The following SMC5 variants were observed in gnomAD, a reference collection of about 807,000 sequenced individuals.
SMC5 encodes the protein structural maintenance of chromosomes protein 5.
Under a neutral mutation model 148.3 loss-of-function variants are expected in SMC5, and 88 were observed. That is an observed-to-expected ratio of 0.59 (90% CI 0.50 to 0.71). The LOEUF (loss-of-function observed/expected upper bound fraction) is 0.71, where lower values mean the gene tolerates loss of function less well. Ranked by LOEUF, SMC5 falls within the 30% of genes least tolerant of loss-of-function variation. The pLI is 0.00. For missense variants in SMC5, 1,142 were observed against 1,298.9 expected (o/e 0.88, Z 1.86); for synonymous variants, 421 against 432.8 (o/e 0.97, Z 0.34).
intron 3 of SMC5, among the ~76,000 whole-genome samples, chr9:70,272,911 A>G (rs759458539): frequency 6.6e-6 from 1 of 152,180 alleles, no homozygotes; most frequent in Non-Finnish European, 1.5e-5. Context: ...AATTGAGAAC[A>G]GAGTTTATTA....
At chr9:70,340,844 G>A (rs2036501445) in intron 17 of SMC5, among the ~76,000 whole-genome samples, 1 of 152,012 alleles carries the variant, frequency 6.6e-6, no homozygotes, top group Non-Finnish European at 1.5e-5. Flanking sequence ...TCCATGAGAA[G>A]TGAACTTTCC....
chr9:70,285,493 G>A (rs1165948868), intron 7 of SMC5, among the ~76,000 whole-genome samples: 1 of 152,218 alleles, frequency 6.6e-6, no homozygotes, highest in Admixed American at 6.5e-5. Flanking sequence ...AAGGAAAGCA[G>A]ATGTTCTGCA....
At chr9:70,296,018 T>C (rs1449662129) in intron 8 of SMC5, among the ~76,000 whole-genome samples, 1 of 152,174 alleles carries the variant, frequency 6.6e-6, no homozygotes, top group African/African-American at 2.4e-5. Context: ...TCAGATATAT[T>C]TTCTCTTGCT....
chr9:70,333,705 T>G (rs1329261933), intron 17 of SMC5, among the ~76,000 whole-genome samples: 2 of 152,142 alleles, frequency 1.3e-5, no homozygotes, highest in Non-Finnish European at 1.5e-5. Context: ...CACTCCAGCC[T>G]GGGTGACAGA....
chr9:70,276,236 G>A (rs940121123), intron 3 of SMC5, among the ~76,000 whole-genome samples: 1 of 152,156 alleles, frequency 6.6e-6, no homozygotes, highest in Non-Finnish European at 1.5e-5. Context: ...TGTCCACCTT[G>A]AATAGCTGTG....
chr9:70,327,715 G>A (rs867780611), intron 17 of SMC5, among the ~76,000 whole-genome samples: 3 of 152,000 alleles, frequency 2.0e-5, no homozygotes, highest in African/African-American at 7.3e-5. Context: ...CTAATGAATC[G>A]GATTACATTA....
chr9:70,270,219 CACTT>C lies in SMC5; in HGVS notation c.380+2246_380+2249del, dbSNP rs1263845265. Among the ~76,000 whole-genome samples, 3 of 152,278 alleles carry C rather than the reference CACTT, an allele frequency of 2.0e-5. No individual in the cohort carries two copies. The East Asian group carries it at 5.8e-4, about 29-fold the overall frequency. Reference sequence around the variant, plus strand: ...TCCAGTTATTTGCTAGGATGGGAAACACTTAGGTTTACCCATGTATTATAAAGGA... The same window carrying C: ...TCCAGTTATTTGCTAGGATGGGAAACAGGTTTACCCATGTATTATAAAGGA... On this transcript the variant is annotated intron_variant, in intron 3 of 24. Coordinates refer to ENST00000361138, the MANE Select transcript of SMC5 (RefSeq NM_015110.4).
At chr9:70,272,947 C>T (rs1471406298) in intron 3 of SMC5, among the ~76,000 whole-genome samples, 2 of 152,126 alleles carry the variant, frequency 1.3e-5, no homozygotes, top group Non-Finnish European at 2.9e-5. Flanking sequence ...TTGGTCATAT[C>T]ATTTAAGTTG....
chr9:70,330,293 A>G (rs528855371), intron 17 of SMC5, among the ~76,000 whole-genome samples: 1 of 152,258 alleles, frequency 6.6e-6, no homozygotes, highest in South Asian at 2.1e-4. Flanking sequence ...TAGTACACAC[A>G]CACATACTTC....
chr9:70,347,983 AT>A lies in SMC5; in HGVS notation c.2841del (p.Phe947LeufsTer40). 1 of 1,607,888 alleles carries A rather than the reference AT, an allele frequency of 6.2e-7. No individual in the cohort carries two copies. Among genetic ancestry groups the A allele is most frequent in the Admixed American group, 1.7e-5 (1 of 58,846 alleles). Reference sequence around the variant, plus strand: ...GAAAAAATTAATGAAAAATTCAGCAATTTTTTTAGTTCCATGCAGTGTGCTG... The same window carrying A: ...GAAAAAATTAATGAAAAATTCAGCAATTTTTTAGTTCCATGCAGTGTGCTG... ...LVEKINEKFS[N>X]FFSSMQCAGE... On this transcript the variant is annotated frameshift_variant, in exon 22 of 25. Transcript: ENST00000361138. LOFTEE classifies it high-confidence loss of function.
intron 16 of SMC5, 28 bp downstream of exon 16, chr9:70,323,634 T>C: frequency 1.3e-6 from 2 of 1,595,376 alleles, no homozygotes; most frequent in Non-Finnish European, 1.7e-6. Flanking sequence ...TTTTAGTCAT[T>C]TTTTAAAGGA....
intron 1 of SMC5, among the ~76,000 whole-genome samples, chr9:70,261,057 T>G (rs1244238448): frequency 1.3e-5 from 2 of 152,222 alleles, no homozygotes; most frequent in Non-Finnish European, 2.9e-5. Flanking sequence ...AGGAAAGTCT[T>G]GCAAGAAGTG....
chr9:70,299,149 A>G (rs1002717318), intron 9 of SMC5, among the ~76,000 whole-genome samples: 3 of 151,774 alleles, frequency 2.0e-5, no homozygotes, highest in Non-Finnish European at 4.4e-5. Flanking sequence ...TCTCTCATTT[A>G]TACTCCGGTT....
chr9:70,277,322 T>G lies in SMC5; in HGVS notation c.393T>G (p.Ser131=). 6.4e-7 allele frequency: 1 copy of G among 1,561,880 alleles called. No homozygotes were observed. The highest frequency in any genetic ancestry group is 8.6e-7 in the Non-Finnish European group (1 of 1,157,752). Residue 131 remains serine, a synonymous_variant, in exon 4 of 25, where the codon TCT becomes TCG. Coordinates refer to ENST00000361138, the MANE Select transcript of SMC5 (RefSeq NM_015110.4). The part of the protein sequence containing the change: ...GMVEIELFRA[S]GNLVITREID... ...ATTTTTTAATTAGGTTCAGGGCTTC[T>G]GGAAATCTTGTAATCACCCGTGAGA...
At position 70,310,381 on chromosome 9, in the gene SMC5, CAGTG is replaced by C. The variant is rs144812520; in HGVS notation, c.1579-4358_1579-4355del. Among the ~76,000 whole-genome samples the C allele has an allele frequency of 8.6e-3, 1,310 of 152,268 alleles. 27 individuals are homozygous for C. Among genetic ancestry groups the C allele is most frequent in the South Asian group, 0.069 (333 of 4,824 alleles). On this transcript the variant is annotated intron_variant, in intron 11 of 24. Coordinates refer to ENST00000361138, the MANE Select transcript of SMC5 (RefSeq NM_015110.4). ...GCTCTTGGGTGACTAGGTACATTGT[CAGTG>C]AGCAGTAATATTTGGACAGATGTCT...
intron 8 of SMC5, among the ~76,000 whole-genome samples, chr9:70,289,875 A>G (rs1028405084): frequency 3.3e-5 from 5 of 149,500 alleles, no homozygotes; most frequent in Admixed American, 6.7e-5. Flanking sequence ...GTTATTTAAA[A>G]TATTATTATT....
chr9:70,286,074 A>G (rs2034891480), intron 7 of SMC5, 126 bp from the exon 8 acceptor site: 2 of 669,984 alleles, frequency 3.0e-6, no homozygotes, highest in African/African-American at 3.7e-5. Context: ...TTTGTTGATA[A>G]TTATGGATTT....
In SMC5 at chr9:70,354,169, CAGT is replaced by C. The variant is rs1564078830; in HGVS notation, c.*1843_*1845del. On this transcript the variant is annotated 3_prime_UTR_variant, in exon 25 of 25. Coordinates refer to ENST00000361138, the MANE Select transcript of SMC5 (RefSeq NM_015110.4). ...TTATGTATCATTTTAGCATATTAAA[CAGT>C]AGTAAGTCTAGCACATAGTCTCAGC... 1.3e-5 allele frequency: 2 copies of C among 152,164 alleles called. No homozygotes were observed. Among genetic ancestry groups the C allele is most frequent in the Admixed American group, 1.3e-4 (2 of 15,286 alleles). The allele number at this position is 152,164 out of a possible 1,614,324, so 9.4% of individuals were successfully genotyped here.
chr9:70,271,358 G>A (rs967472048), intron 3 of SMC5, among the ~76,000 whole-genome samples: 14 of 152,070 alleles, frequency 9.2e-5, no homozygotes, highest in Non-Finnish European at 1.9e-4. Context: ...CTTTTTCCAC[G>A]AAGGTTCACA....
Sources: allele counts gnomAD v4.1 joint callset (sites outside exome capture counted in the v4.1 genomes callset), GRCh38; gene constraint gnomAD v4.1.1; transcripts MANE v1.5; gene names NCBI Gene and HGNC (gene_info 2026-07-23, HGNC 2026-07-21).